Variants in ADAMTS20 observed in about 807,000 individuals in gnomAD.
The protein encoded by ADAMTS20 is ADAM metallopeptidase with thrombospondin type 1 motif 20.
ADAMTS20 carries 225 observed loss-of-function variants against 260.1 expected under a neutral mutation model. That is an observed-to-expected ratio of 0.87 (90% CI 0.78 to 0.97). ADAMTS20 has a LOEUF of 0.97. Among genes scored for constraint, ADAMTS20 ranks in the 50% least tolerant of loss-of-function variants. The pLI, the probability that ADAMTS20 is intolerant of heterozygous loss-of-function variation, is 0.00. For missense variants in ADAMTS20, 2,400 were observed against 2,337.7 expected, an observed-to-expected ratio of 1.03 and a Z score of -0.55; for synonymous variants, 802 against 769.5, an observed-to-expected ratio of 1.04 and a Z score of -0.70.
In ADAMTS20 at chr12:43,369,365, A is replaced by G. The variant is rs947498873; in HGVS notation, c.5463T>C (p.Phe1821=). 3.2e-6 allele frequency: 5 copies of G among 1,550,414 alleles called. No homozygotes were observed. Among genetic ancestry groups the G allele is most frequent in the Non-Finnish European group, 4.4e-6 (5 of 1,149,104 alleles). Residue 1821 remains phenylalanine (F), a synonymous_variant, in exon 37 of 39, where the codon TTT becomes TTC. Transcript: ENST00000389420. Reference sequence around the variant, plus strand: ...CTGCATTTCCAAATATTGTTTTGGAAAAAAGAAGGTCCGTAGCTAGAAAAT... The same window carrying G: ...CTGCATTTCCAAATATTGTTTTGGAGAAAAGAAGGTCCGTAGCTAGAAAAT... ...SMQIKTTDLL[F]SKTIFGNAVP... is the part of the protein sequence containing the mutation.
rs368219171 is a variant in ADAMTS20, at chr12:43,514,285, C to A, written c.614-11880G>T. Among the ~76,000 whole-genome samples the A allele has an allele frequency of 6.0e-3, 908 of 151,362 alleles. 9 individuals carry two copies. The highest frequency in any genetic ancestry group is 0.021 in the African/African-American group (870 of 41,048). ...TGCATTTTAAGAAATGCTTTTCCGG[C>A]CAGGCAGGATGGCTCACGCCTGTAA... On this transcript the variant is annotated intron_variant, in intron 3 of 38. Coordinates refer to ENST00000389420, the MANE Select transcript of ADAMTS20 (RefSeq NM_025003.5).
intron 28 of ADAMTS20, among the ~76,000 whole-genome samples, chr12:43,401,132 G>C (rs1940801564): frequency 2.0e-5 from 3 of 151,978 alleles, no homozygotes; most frequent in Admixed American, 2.0e-4. Flanking sequence ...AAAAATTCAT[G>C]AAATGTAGCC....
intron 2 of ADAMTS20, among the ~76,000 whole-genome samples, chr12:43,542,333 T>G (rs544154937): frequency 5.6e-4 from 86 of 152,324 alleles, no homozygotes; most frequent in African/African-American, 1.7e-3. Context: ...TGTCAAAATA[T>G]TCTGAAGCAA....
chr12:43,503,489 C>G (rs1253316028), intron 3 of ADAMTS20, among the ~76,000 whole-genome samples: 1 of 151,868 alleles, frequency 6.6e-6, no homozygotes, highest in Non-Finnish European at 1.5e-5. Context: ...AAACAGAACA[C>G]TTTAGACATT....
intron 14 of ADAMTS20, among the ~76,000 whole-genome samples, chr12:43,449,012 G>C (rs1354195480): frequency 6.6e-6 from 1 of 152,048 alleles, no homozygotes; most frequent in Non-Finnish European, 1.5e-5. Context: ...TTGCAGAAAA[G>C]AGAACGGTTA....
At chr12:43,433,057 T>C (rs778484336) in intron 19 of ADAMTS20, among the ~76,000 whole-genome samples, 1 of 152,146 alleles carries the variant, frequency 6.6e-6, no homozygotes, top group Non-Finnish European at 1.5e-5. Context: ...ACAACTGGTT[T>C]AGATTATGAT....
chr12:43,546,238 T>C (rs1384922841), intron 2 of ADAMTS20, among the ~76,000 whole-genome samples: 1 of 152,182 alleles, frequency 6.6e-6, no homozygotes, highest in Non-Finnish European at 1.5e-5. Flanking sequence ...AGAGAGGTAA[T>C]GCTTGACATG....
intron 31 of ADAMTS20, among the ~76,000 whole-genome samples, chr12:43,383,101 AAG>A (rs1200110654): frequency 1.3e-5 from 2 of 152,108 alleles, no homozygotes; most frequent in African/African-American, 4.8e-5. Flanking sequence ...GAGGAGGGAA[AAG>A]AGAGGGGGGA....
intron 16 of ADAMTS20, among the ~76,000 whole-genome samples, chr12:43,441,065 C>CAA (rs74514544): frequency 3.6e-5 from 3 of 82,214 alleles, no homozygotes; most frequent in African/African-American, 9.1e-5. Flanking sequence ...ACTCCGTCTC[C>CAA]AAAAAAAAAA....
intron 28 of ADAMTS20, among the ~76,000 whole-genome samples, chr12:43,402,531 C>T (rs971163014): frequency 6.6e-6 from 1 of 151,916 alleles, no homozygotes; most frequent in African/African-American, 2.4e-5. Context: ...TAAAGTAAAA[C>T]AGGACATGTT....
intron 2 of ADAMTS20, among the ~76,000 whole-genome samples, chr12:43,542,534 T>C (rs1943390956): frequency 6.6e-6 from 1 of 152,206 alleles, no homozygotes; most frequent in East Asian, 1.9e-4. Flanking sequence ...TCATGTGTTA[T>C]TTCTTGTATT....
At chr12:43,487,440 A>AGGGGGGGGGGGGGGG (rs921396155) in intron 7 of ADAMTS20, among the ~76,000 whole-genome samples, 1 of 47,576 alleles carries the variant, frequency 2.1e-5, no homozygotes, top group Non-Finnish European at 4.2e-5. Context: ...GGAGGGTGGG[A>AGGGGGGGGGGGGGGG]GGGGGGTGAG....
chr12:43,454,876 G>C (rs1941936593), intron 11 of ADAMTS20, among the ~76,000 whole-genome samples: 1 of 152,090 alleles, frequency 6.6e-6, no homozygotes, highest in Non-Finnish European at 1.5e-5. Context: ...TTAAAAATTG[G>C]CTTATGTTTA....
At chr12:43,548,008 T>C (rs1043291411) in intron 2 of ADAMTS20, among the ~76,000 whole-genome samples, 1 of 152,190 alleles carries the variant, frequency 6.6e-6, no homozygotes, top group Admixed American at 6.5e-5. Context: ...CATAACACGT[T>C]ATAACCCTGT....
At chr12:43,355,239 C>G (rs781077005) in intron 38 of ADAMTS20, among the ~76,000 whole-genome samples, 2 of 152,156 alleles carry the variant, frequency 1.3e-5, no homozygotes, top group Non-Finnish European at 2.9e-5. Flanking sequence ...AGTAAAATCT[C>G]AGAGTTGTAT....
intron 28 of ADAMTS20, among the ~76,000 whole-genome samples, chr12:43,413,239 A>G (rs1425936054): frequency 6.6e-6 from 1 of 152,200 alleles, no homozygotes; most frequent in Non-Finnish European, 1.5e-5. Context: ...TTATCACACT[A>G]TATTTAATGA....
At chr12:43,441,810 C>T (rs960491438) in intron 16 of ADAMTS20, among the ~76,000 whole-genome samples, 3 of 152,170 alleles carry the variant, frequency 2.0e-5, no homozygotes, top group Non-Finnish European at 4.4e-5. Flanking sequence ...CTATGGCTAA[C>T]TTCCTAATAT....
intron 37 of ADAMTS20, among the ~76,000 whole-genome samples, chr12:43,368,194 A>T (rs549776177): frequency 6.6e-6 from 1 of 152,114 alleles, no homozygotes; most frequent in African/African-American, 2.4e-5. Flanking sequence ...GTAATGTTCC[A>T]GTGTCAAATA....
Position 43,386,650 on chromosome 12 carries a change from G to T in ADAMTS20, c.4453-2673C>A, listed in dbSNP as rs751194734. 2.0e-5 allele frequency among the ~76,000 whole-genome samples: 3 copies of T among 152,036 alleles called. No homozygotes were observed. In the East Asian group the frequency reaches 5.8e-4, roughly 29 times the overall value. On this transcript the variant is annotated intron_variant, in intron 29 of 38. Transcript: ENST00000389420. ...TCAAACATAGGTTTGGTCTTTTCAC[G>T]TTGTCCCACAATTCTTGGAGGCTTT...
Sources: allele counts gnomAD v4.1 joint callset (sites outside exome capture counted in the v4.1 genomes callset), GRCh38; gene constraint gnomAD v4.1.1; transcripts MANE v1.5; gene names NCBI Gene and HGNC (gene_info 2026-07-23, HGNC 2026-07-21).